ARK2N: variants seen among roughly 807,000 people sequenced by gnomAD.
ARK2N encodes the protein protein ARK2N.
the ARK2N span, among the ~76,000 whole-genome samples, chr18:46,234,221 G>A: frequency 1.1e-4 from 17 of 152,024 alleles, no homozygotes; most frequent in African/African-American, 3.9e-4. Context: ...TTTTTGAGAT[G>A]GAGTCTTGCT....
the ARK2N span, among the ~76,000 whole-genome samples, chr18:46,211,261 C>A: frequency 2.0e-5 from 3 of 152,034 alleles, no homozygotes; most frequent in African/African-American, 7.2e-5. Context: ...CAGCCTGGAA[C>A]GTACTGTTGC....
At chr18:46,218,985 CTT>C in the ARK2N span, 1 of 152,314 alleles carries the variant, frequency 6.6e-6, no homozygotes, top group East Asian at 1.9e-4. Flanking sequence ...AGAAAATGCT[CTT>C]TATAAGCTTT....
At chr18:46,222,631 T>C in the ARK2N span, among the ~76,000 whole-genome samples, 1 of 152,202 alleles carries the variant, frequency 6.6e-6, no homozygotes, top group African/African-American at 2.4e-5. Context: ...CAAAATAGGA[T>C]ATATCTTAGT....
chr18:46,188,949 T>A, the ARK2N span, among the ~76,000 whole-genome samples: 10 of 152,078 alleles, frequency 6.6e-5, no homozygotes, highest in Admixed American at 5.9e-4. Flanking sequence ...GCGGGGTGGC[T>A]CACGCCTGTA....
At chr18:46,242,572 C>CCCTTTGCCCTTT in the ARK2N span, among the ~76,000 whole-genome samples, 1 of 152,178 alleles carries the variant, frequency 6.6e-6, no homozygotes, top group South Asian at 2.1e-4. Context: ...TGTTTTCCTT[C>CCCTTTGCCCTTT]CCTTTGCCCT....
the ARK2N span, among the ~76,000 whole-genome samples, chr18:46,196,561 G>A: frequency 6.6e-6 from 1 of 152,170 alleles, no homozygotes; most frequent in Admixed American, 6.5e-5. Context: ...TTGCCTGGCC[G>A]AGTTGTAAAT....
chr18:46,189,248 AT>A, the ARK2N span, among the ~76,000 whole-genome samples: 1 of 150,036 alleles, frequency 6.7e-6, no homozygotes, highest in Non-Finnish European at 1.5e-5. Flanking sequence ...ATCAAAGTTT[AT>A]TCTAATTGGA....
chr18:46,192,179 A>G, the ARK2N span, among the ~76,000 whole-genome samples: 30 of 152,330 alleles, frequency 2.0e-4, no homozygotes, highest in African/African-American at 6.7e-4. Context: ...TAATTATAAC[A>G]GAAGCATCCT....
chr18:46,232,363 T>C, the ARK2N span: 1 of 152,186 alleles, frequency 6.6e-6, no homozygotes, highest in African/African-American at 2.4e-5. Flanking sequence ...TCATCTCCCC[T>C]TTTAAAAAAT....
At chr18:46,244,037 T>C in the ARK2N span, among the ~76,000 whole-genome samples, 1 of 152,214 alleles carries the variant, frequency 6.6e-6, no homozygotes, top group East Asian at 1.9e-4. Context: ...GCGTAGAAAT[T>C]ACCCAGTGTG....
chr18:46,192,869 G>A, the ARK2N span, among the ~76,000 whole-genome samples: 6 of 128,470 alleles, frequency 4.7e-5, no homozygotes, highest in Admixed American at 8.3e-5. Flanking sequence ...CGCTACGCCC[G>A]GCTGAGACTG....
the ARK2N span, chr18:46,266,297 T>C: frequency 3.3e-5 from 5 of 152,658 alleles, no homozygotes; most frequent in Non-Finnish European, 5.9e-5. Flanking sequence ...CACTATTTTG[T>C]CTTTTAGTTT....
At chr18:46,246,294 A>T in the ARK2N span, among the ~76,000 whole-genome samples, 1 of 152,202 alleles carries the variant, frequency 6.6e-6, no homozygotes, top group African/African-American at 2.4e-5. Flanking sequence ...AGAGAATGTC[A>T]GGTTCTATAC....
the ARK2N span, chr18:46,240,184 G>A: frequency 3.7e-6 from 6 of 1,614,100 alleles, no homozygotes; most frequent in Non-Finnish European, 5.1e-6. Context: ...GAATGCAGAG[G>A]CAGGTTGGTC....
chr18:46,222,019 A>T, the ARK2N span, among the ~76,000 whole-genome samples: 2 of 152,238 alleles, frequency 1.3e-5, no homozygotes, highest in Admixed American at 1.3e-4. Context: ...TGCAAATCAG[A>T]TGGGTAAAAT....
At chr18:46,215,775 G>A in the ARK2N span, 4 of 1,103,534 alleles carry the variant, frequency 3.6e-6, no homozygotes, top group African/African-American at 1.6e-5. Flanking sequence ...AAATAATCTG[G>A]CATTCTGTTT....
chr18:46,188,590 C>T, the ARK2N span, among the ~76,000 whole-genome samples: 1 of 152,146 alleles, frequency 6.6e-6, no homozygotes, highest in African/African-American at 2.4e-5. Context: ...AAGCAATCCT[C>T]CTACCTTGAC....
the ARK2N span, among the ~76,000 whole-genome samples, chr18:46,176,784 A>T: frequency 3.9e-5 from 6 of 152,010 alleles, no homozygotes; most frequent in Non-Finnish European, 8.8e-5. Context: ...CGCCTGGCTA[A>T]TTTTGTATTT....
At chr18:46,214,749 T>C in the ARK2N span, among the ~76,000 whole-genome samples, 1 of 152,238 alleles carries the variant, frequency 6.6e-6, no homozygotes, top group Non-Finnish European at 1.5e-5. Flanking sequence ...TAAATCCCTT[T>C]ATTCATTCAT....
Sources: gnomAD v4.1 joint callset for allele counts (sites outside exome capture counted in the v4.1 genomes callset) on GRCh38, gnomAD v4.1.1 for gene constraint, MANE v1.5 for transcripts, NCBI Gene and HGNC (gene_info 2026-07-23, HGNC 2026-07-21) for gene names.